TUSC3: variants seen among roughly 807,000 people sequenced by gnomAD.
TUSC3 encodes dolichyl-diphosphooligosaccharide--protein glycosyltransferase subunit TUSC3.
In TUSC3, 45 loss-of-function variants were observed where a neutral mutation model predicts 44.8. That is an observed-to-expected ratio of 1.00 (90% CI 0.79 to 1.29). TUSC3 has a LOEUF of 1.29. Ranked by LOEUF, TUSC3 falls within the 50% of genes most tolerant of loss-of-function variation. The pLI, the probability that TUSC3 is intolerant of heterozygous loss-of-function variation, is 0.00. For synonymous variants in TUSC3, 212 were observed against 152.9 expected (o/e 1.39, Z -2.85); for missense variants, 519 against 437.9 (o/e 1.19, Z -1.65).
At chr8:15,590,498 C>A (rs529439286) in intron 1 of TUSC3, among the ~76,000 whole-genome samples, 1 of 151,958 alleles carries the variant, frequency 6.6e-6, no homozygotes, top group East Asian at 1.9e-4. Context: ...CTTGCCAATT[C>A]CCCCATTAAC....
intron 6 of TUSC3, among the ~76,000 whole-genome samples, chr8:15,708,423 C>T (rs1281579895): frequency 6.6e-6 from 1 of 151,872 alleles, no homozygotes; most frequent in Non-Finnish European, 1.5e-5. Context: ...AGAAAAGTGA[C>T]ACACAAAACT....
intron 1 of TUSC3, among the ~76,000 whole-genome samples, chr8:15,545,700 G>A (rs999197904): frequency 6.6e-6 from 1 of 151,662 alleles, no homozygotes; most frequent in South Asian, 2.1e-4. Context: ...TCCACACATA[G>A]GGCACAGAGA....
chr8:15,695,708 T>C (rs1173509686), intron 6 of TUSC3, among the ~76,000 whole-genome samples: 2 of 152,174 alleles, frequency 1.3e-5, no homozygotes, highest in East Asian at 1.9e-4. Context: ...GATAATGATA[T>C]GAACAATGAA....
intron 2 of TUSC3, among the ~76,000 whole-genome samples, chr8:15,511,881 A>G (rs4831337): frequency 0.46 from 69,363 of 151,772 alleles, 18,959 homozygotes; most frequent in Non-Finnish European, 0.62. Context: ...AAAAAAAAGA[A>G]GTACTAAATG....
intron 1 of TUSC3, among the ~76,000 whole-genome samples, chr8:15,585,444 A>G (rs911043785): frequency 6.6e-6 from 1 of 152,224 alleles, no homozygotes; most frequent in African/African-American, 2.4e-5. Flanking sequence ...CGAAAGTTTA[A>G]TAAGCGAAAG....
the TUSC3 span, among the ~76,000 whole-genome samples, chr8:15,787,220 A>G: frequency 2.0e-5 from 3 of 152,146 alleles, no homozygotes; most frequent in Non-Finnish European, 2.9e-5. Flanking sequence ...ATTTCTTTCA[A>G]CTTAGTTTCA....
chr8:15,610,054 T>A (rs1359809306), intron 1 of TUSC3, among the ~76,000 whole-genome samples: 1 of 152,148 alleles, frequency 6.6e-6, no homozygotes, highest in Non-Finnish European at 1.5e-5. Context: ...CATAACTATG[T>A]TTATATGGTT....
chr8:15,834,846 T>C, the TUSC3 span, among the ~76,000 whole-genome samples: 3 of 152,182 alleles, frequency 2.0e-5, no homozygotes, highest in Admixed American at 2.0e-4. Context: ...TAAGGTTTAT[T>C]TATAAGCAGA....
At chr8:15,516,812 C>G (rs1014138534) in intron 2 of TUSC3, among the ~76,000 whole-genome samples, 2 of 152,014 alleles carry the variant, frequency 1.3e-5, no homozygotes, top group African/African-American at 4.8e-5. Context: ...AAAATGGGGA[C>G]TATCCATTAT....
upstream of TUSC3, among the ~76,000 whole-genome samples, chr8:15,538,272 C>A (rs566516294): frequency 2.6e-5 from 4 of 152,188 alleles, no homozygotes; most frequent in Non-Finnish European, 5.9e-5. Context: ...GCCACTGGAG[C>A]TGAGCTTTCT....
chr8:15,740,363 C>T (rs1005931897), intron 7 of TUSC3, among the ~76,000 whole-genome samples: 1 of 151,816 alleles, frequency 6.6e-6, no homozygotes, highest in African/African-American at 2.4e-5. Flanking sequence ...TAAATTTGGC[C>T]ACATTAAAAT....
chr8:15,650,794 GGGACA>G lies in TUSC3; in HGVS notation c.408_412del (p.Thr137ArgfsTer23). The G allele has an allele frequency of 6.2e-7, 1 of 1,614,010 alleles. No homozygotes were observed. Among genetic ancestry groups the G allele is most frequent in the Non-Finnish European group, 8.5e-7 (1 of 1,179,970 alleles). ...CTTCAGTATGGTGGACTATGATGAGGGGACAGACGTTTTTCAGCAGGTAAAGAGTT... is the reference window on the plus strand; with the variant it reads ...CTTCAGTATGGTGGACTATGATGAGGGACGTTTTTCAGCAGGTAAAGAGTT... On this transcript the variant is annotated frameshift_variant, in exon 3 of 11. Transcript: ENST00000503731. LOFTEE classifies it high-confidence loss of function.
intron 2 of TUSC3, among the ~76,000 whole-genome samples, chr8:15,508,893 G>A (rs2129127990): frequency 6.6e-6 from 1 of 152,290 alleles, no homozygotes; most frequent in African/African-American, 2.4e-5. Context: ...ATTCTTCCAT[G>A]TAGGGTTGGC....
the TUSC3 span, chr8:15,806,634 G>C: frequency 2.9e-6 from 4 of 1,365,920 alleles, no homozygotes; most frequent in African/African-American, 2.9e-5. Context: ...TCAGTGTCAT[G>C]GACTTCAGGC....
chr8:15,688,021 C>G (rs1171699530), intron 6 of TUSC3, among the ~76,000 whole-genome samples: 2 of 151,738 alleles, frequency 1.3e-5, no homozygotes, highest in Non-Finnish European at 2.9e-5. Context: ...AGGATAAGAA[C>G]AAAAAGAGAA....
chr8:15,609,680 C>T (rs543656688), intron 1 of TUSC3, among the ~76,000 whole-genome samples: 1 of 152,022 alleles, frequency 6.6e-6, no homozygotes, highest in South Asian at 2.1e-4. Flanking sequence ...TATAATGATA[C>T]TGTCTCTTGA....
At chr8:15,548,523 T>C (rs1158905197) in intron 1 of TUSC3, among the ~76,000 whole-genome samples, 6 of 151,826 alleles carry the variant, frequency 4.0e-5, no homozygotes, top group African/African-American at 7.2e-5. Context: ...AACCATCTTA[T>C]TACCTCGAAA....
chr8:15,532,364 G>T (rs1801461452), intron 2 of TUSC3, among the ~76,000 whole-genome samples: 1 of 152,148 alleles, frequency 6.6e-6, no homozygotes, highest in South Asian at 2.1e-4. Context: ...TGGAGGCTGA[G>T]AAGTACCTTA....
chr8:15,505,299 G>GA (rs917601764), intron 2 of TUSC3, among the ~76,000 whole-genome samples: 12 of 152,128 alleles, frequency 7.9e-5, no homozygotes, highest in African/African-American at 2.9e-4. Context: ...TTGTCAAAAA[G>GA]AAAAAAACCC....
Sources: allele counts gnomAD v4.1 joint callset (sites outside exome capture counted in the v4.1 genomes callset), GRCh38; gene constraint gnomAD v4.1.1; transcripts MANE v1.5; gene names NCBI Gene and HGNC (gene_info 2026-07-23, HGNC 2026-07-21).